The following SPTLC2 variants were observed in gnomAD, a reference collection of about 807,000 sequenced individuals.
The protein encoded by SPTLC2 is serine palmitoyltransferase 2.
In SPTLC2, 21 loss-of-function variants were observed where a neutral mutation model predicts 62.0. The ratio of observed to expected loss-of-function variants is 0.34; its 90% CI spans 0.24 to 0.49. The LOEUF (loss-of-function observed/expected upper bound fraction) is 0.49. SPTLC2 is among the 20% of genes least tolerant of loss of function. The pLI is 0.99. For missense variants in SPTLC2, 511 were observed against 713.0 expected (o/e 0.72, Z 3.23); for synonymous variants, 261 against 261.8 (o/e 1.00, Z 0.03).
intron 4 of SPTLC2, among the ~76,000 whole-genome samples, chr14:77,571,791 C>G (rs2079684602): frequency 2.0e-5 from 3 of 151,942 alleles, no homozygotes; most frequent in Non-Finnish European, 4.4e-5. Context: ...TACGTTTGAG[C>G]TTTTTTTCTT....
At chr14:77,523,028 T>A (rs2079392083) in intron 9 of SPTLC2, among the ~76,000 whole-genome samples, 1 of 152,212 alleles carries the variant, frequency 6.6e-6, no homozygotes, top group East Asian at 1.9e-4. Context: ...AAGCTTAGAT[T>A]AGCCTAGTGT....
chr14:77,603,840 C>T (rs1006913086), intron 1 of SPTLC2, among the ~76,000 whole-genome samples: 5 of 152,190 alleles, frequency 3.3e-5, no homozygotes, highest in East Asian at 1.9e-4. Context: ...CCCAAGCCTC[C>T]GCTGTAACAC....
intron 6 of SPTLC2, among the ~76,000 whole-genome samples, 200 bp downstream of exon 6, chr14:77,562,196 A>G (rs1473123438): frequency 6.6e-6 from 1 of 152,236 alleles, no homozygotes; most frequent in African/African-American, 2.4e-5. Context: ...TCATGGTCAA[A>G]TAAAAGGATA....
At chr14:77,515,887 ATTTTC>A (rs2079356243) in intron 11 of SPTLC2, among the ~76,000 whole-genome samples, 1 of 151,846 alleles carries the variant, frequency 6.6e-6, no homozygotes, top group Non-Finnish European at 1.5e-5. Flanking sequence ...TGTAAAAGAA[ATTTTC>A]TTTTCATTTG....
chr14:77,575,147 C>T (rs562812537), intron 4 of SPTLC2, among the ~76,000 whole-genome samples: 156 of 152,180 alleles, frequency 1.0e-3, no homozygotes, highest in Non-Finnish European at 1.9e-3. Flanking sequence ...GCTGGAGTAC[C>T]GAAGTTTGAG....
rs1046344406 is a variant in SPTLC2 at position 77,597,525 on chromosome 14, A to G, written c.133-145T>C. On this transcript the variant is annotated intron_variant, in intron 1 of 11. Coordinates refer to ENST00000216484, the MANE Select transcript of SPTLC2 (RefSeq NM_004863.4). ...CGCACTGGCTCACACCTGTAATCCC[A>G]GCACTTTGGGAGGCTGAGGCGGGCA... 4.0e-6 allele frequency: 3 copies of G among 745,474 alleles called. No homozygotes were observed. In the East Asian group the frequency reaches 8.3e-5, roughly 21 times the overall value. 46.2% of individuals were successfully genotyped at this position (745,474 alleles called of 1,614,324 possible).
intron 1 of SPTLC2, among the ~76,000 whole-genome samples, chr14:77,600,057 C>T (rs1296129446): frequency 1.3e-5 from 2 of 152,102 alleles, no homozygotes; most frequent in Admixed American, 6.6e-5. Context: ...CAACATGCAG[C>T]GAGTTTACAG....
chr14:77,600,602 TCTTAATAAATAGTTAACA>T (rs2079871847), intron 1 of SPTLC2, among the ~76,000 whole-genome samples: 2 of 152,326 alleles, frequency 1.3e-5, no homozygotes, highest in South Asian at 4.1e-4. Flanking sequence ...ATTTATGAAG[TCTTAATAAATAGTTAACA>T]CTTAATAACA....
intron 1 of SPTLC2, among the ~76,000 whole-genome samples, chr14:77,614,263 G>C (rs138430633): frequency 2.8e-3 from 420 of 152,318 alleles, no homozygotes; most frequent in African/African-American, 9.8e-3. Flanking sequence ...AAAGGTCCTT[G>C]ATTTCCTACT....
intron 9 of SPTLC2, among the ~76,000 whole-genome samples, chr14:77,547,267 A>AG (rs1267559983): frequency 8.5e-5 from 13 of 152,170 alleles, no homozygotes; most frequent in Non-Finnish European, 1.6e-4. Flanking sequence ...ATAAACTGCT[A>AG]AACTCTACTG....
At chr14:77,580,743 C>A (rs1473613806) in intron 2 of SPTLC2, among the ~76,000 whole-genome samples, 2 of 151,886 alleles carry the variant, frequency 1.3e-5, no homozygotes, top group African/African-American at 4.8e-5. Context: ...GAAGGCAGGA[C>A]ACAGTGGTTC....
At chr14:77,559,621 G>T (rs2140024233) in intron 6 of SPTLC2, among the ~76,000 whole-genome samples, 1 of 152,270 alleles carries the variant, frequency 6.6e-6, no homozygotes, top group South Asian at 2.1e-4. Flanking sequence ...TGGGCATGGT[G>T]AATCACTCCT....
chr14:77,530,402 C>T (rs1338265856), intron 9 of SPTLC2, among the ~76,000 whole-genome samples: 1 of 152,044 alleles, frequency 6.6e-6, no homozygotes, highest in African/African-American at 2.4e-5. Flanking sequence ...GATCTCAGCT[C>T]ACTACAACCT....
chr14:77,534,037 G>A (rs1388638058), intron 9 of SPTLC2, among the ~76,000 whole-genome samples: 1 of 151,912 alleles, frequency 6.6e-6, no homozygotes, highest in African/African-American at 2.4e-5. Flanking sequence ...GCACGCCTGT[G>A]GTCCCAACTA....
intron 2 of SPTLC2, among the ~76,000 whole-genome samples, chr14:77,586,078 C>CTTTTT (rs57174185): frequency 7.3e-6 from 1 of 137,480 alleles, no homozygotes; most frequent in Non-Finnish European, 1.5e-5. Context: ...TTTCTTTTTT[C>CTTTTT]TTTTTTTTTT....
chr14:77,525,550 T>C (rs1300551791), intron 9 of SPTLC2, among the ~76,000 whole-genome samples: 2 of 150,748 alleles, frequency 1.3e-5, no homozygotes, highest in Admixed American at 1.3e-4. Context: ...GACTGCGCCA[T>C]TGCACTCTGC....
At chr14:77,534,593 A>ACACACACACACACACACACC (rs1409981631) in intron 9 of SPTLC2, among the ~76,000 whole-genome samples, 1 of 151,968 alleles carries the variant, frequency 6.6e-6, no homozygotes, top group Non-Finnish European at 1.5e-5. Context: ...TTCAGTACAC[A>ACACACACACACACACACACC]CACACACACA....
intron 9 of SPTLC2, among the ~76,000 whole-genome samples, chr14:77,550,346 AG>A (rs1265931881): frequency 6.6e-6 from 1 of 152,168 alleles, no homozygotes; most frequent in African/African-American, 2.4e-5. Context: ...AAGTCAAGGC[AG>A]GCAGGTCACC....
intron 4 of SPTLC2, 39 bp downstream of exon 4, chr14:77,576,728 G>C (rs2079717889): frequency 6.2e-7 from 1 of 1,613,918 alleles, no homozygotes; most frequent in South Asian, 1.1e-5. Flanking sequence ...CTAAAACAAT[G>C]TCAAAAACAG....
Sources: gnomAD v4.1 joint callset for allele counts (sites outside exome capture counted in the v4.1 genomes callset) on GRCh38, gnomAD v4.1.1 for gene constraint, MANE v1.5 for transcripts, NCBI Gene and HGNC (gene_info 2026-07-23, HGNC 2026-07-21) for gene names.